Variants in ACSM3 observed in about 807,000 individuals in gnomAD.
ACSM3 encodes the protein acyl-CoA synthetase medium chain family member 3, also known as acyl-coenzyme A synthetase ACSM3, mitochondrial.
A neutral mutation model predicts 74.1 loss-of-function variants in ACSM3; 61 were observed. The observed-to-expected ratio is 0.82, with a 90% CI of 0.67 to 1.02. ACSM3 has a LOEUF of 1.02. ACSM3 is among the 50% of genes least tolerant of loss of function. The probability of loss-of-function intolerance (pLI) is 0.00; values close to 1 mark genes in which losing one functional copy is unlikely to be tolerated. For missense variants in ACSM3, 660 were observed against 697.0 expected (o/e 0.95, Z 0.60); for synonymous variants, 213 against 241.5 (o/e 0.88, Z 1.09).
At chr16:20,789,386 T>G (rs765312797) in intron 9 of ACSM3, 480 of 903,132 alleles carry the variant, frequency 5.3e-4, no homozygotes, top group Non-Finnish European at 8.0e-4. Flanking sequence ...TAGCATGTAT[T>G]AAGTACTTAA....
At chr16:20,760,150 C>T (rs1263855912), upstream of ACSM3, among the ~76,000 whole-genome samples, 1 of 152,132 alleles carries the variant, frequency 6.6e-6, no homozygotes, top group South Asian at 2.1e-4. Context: ...TAAAATGACT[C>T]TAGTACAGCA....
intron 1 of ACSM3, chr16:20,682,486 T>C: frequency 1.9e-6 from 3 of 1,599,000 alleles, no homozygotes; most frequent in Non-Finnish European, 1.7e-6. Flanking sequence ...AAGGAACTGA[T>C]TGTTTTGGTT....
Position 20,685,840 on chromosome 16 carries a change from AAAAAAAC to A in ACSM3, c.-190+11026_-190+11032del, listed in dbSNP as rs1567311063. Among the ~76,000 whole-genome samples the A allele has an allele frequency of 5.3e-4, 65 of 123,706 alleles. 4 individuals carry two copies. The highest frequency in any genetic ancestry group is 4.3e-3 in the Middle Eastern group (1 of 234). 81.2% of individuals were successfully genotyped at this position (123,706 alleles called of 152,430 possible). A position where few individuals can be genotyped will look rare whatever the true frequency, so the allele number is the denominator to read the frequency against. ...GTCTCAAAAAAAAAAAACAAACAAA[AAAAAAAC>A]AAAAAACTTATAGCATCAGGAGAGG... On this transcript the variant is annotated intron_variant, in intron 1 of 3. Transcript: ENST00000561584.
intron 1 of ACSM3, chr16:20,728,350 GA>G: frequency 2.5e-6 from 3 of 1,189,864 alleles, no homozygotes; most frequent in Non-Finnish European, 3.6e-6. Context: ...TTTGTGAAAA[GA>G]AAATTTTAAG....
At chr16:20,759,102 G>T (rs962673673), upstream of ACSM3, among the ~76,000 whole-genome samples, 1 of 152,142 alleles carries the variant, frequency 6.6e-6, no homozygotes, top group Admixed American at 6.6e-5. Flanking sequence ...GTTGCCAGGA[G>T]AACCAACCTT....
intron 1 of ACSM3, chr16:20,691,115 G>T (rs1041822271): frequency 3.7e-6 from 6 of 1,613,676 alleles, no homozygotes; most frequent in Admixed American, 1.7e-5. Context: ...GCGCAGCTGT[G>T]AAGGGGCAGG....
Position 20,770,193 on chromosome 16 carries a change from G to A in ACSM3, c.159G>A (p.Gly53=), listed in dbSNP as rs754487069. ...CCATGAAACAGGACTTCAAACTGGG[G>A]ATTCCAGAGTATTTCAACTTTGCTA... is the stretch of plus-strand genomic sequence containing the variant. The part of the protein sequence containing the change: ...YESMKQDFKL[G]IPEYFNFAKD... The change falls in exon 2 of 14, where the codon GGG becomes GGA. Residue 53 remains glycine, a synonymous_variant. Coordinates refer to ENST00000289416, the MANE Select transcript of ACSM3 (RefSeq NM_005622.4). The A allele has an allele frequency of 6.2e-7, 1 of 1,614,154 alleles. No homozygotes were observed. Among genetic ancestry groups the A allele is most frequent in the Middle Eastern group, 1.6e-4 (1 of 6,062 alleles).
At chr16:20,712,160 T>C (rs990685260) in intron 1 of ACSM3, among the ~76,000 whole-genome samples, 1 of 152,176 alleles carries the variant, frequency 6.6e-6, no homozygotes, top group African/African-American at 2.4e-5. Flanking sequence ...CACCTGGCCC[T>C]GTTTTTGTAA....
chr16:20,716,655 CACCCTCACCTGTTT>C (rs2079762738), intron 1 of ACSM3, among the ~76,000 whole-genome samples: 1 of 152,214 alleles, frequency 6.6e-6, no homozygotes, highest in Non-Finnish European at 1.5e-5. Flanking sequence ...CACATCCTCA[CACCCTCACCTGTTT>C]ACCCTCACGT....
rs2079824546 is a variant in ACSM3, at chr16:20,730,684, GAA to G, written c.-189-19225_-189-19224del. 2.0e-5 allele frequency among the ~76,000 whole-genome samples: 3 copies of G among 152,104 alleles called. No homozygotes were observed. In the South Asian group the frequency reaches 6.2e-4, roughly 32 times the overall value. ...CCTCTCAATATAAATGATTTCAGCT[GAA>G]GAGCAGAAGTAACCACCAATTAGAA... On this transcript the variant is annotated intron_variant, in intron 1 of 3. Transcript: ENST00000561584.
intron 1 of ACSM3, among the ~76,000 whole-genome samples, chr16:20,705,449 T>A (rs1040109032): frequency 2.0e-5 from 3 of 152,056 alleles, no homozygotes; most frequent in African/African-American, 7.2e-5. Flanking sequence ...AAGTCTACCT[T>A]TGAAGAAATA....
chr16:20,777,761 T>C (rs1252860591), intron 4 of ACSM3, among the ~76,000 whole-genome samples, 181 bp downstream of exon 4: 1 of 152,194 alleles, frequency 6.6e-6, no homozygotes, highest in East Asian at 1.9e-4. Context: ...GGAGTGCTTT[T>C]TGTAGGTTGG....
intron 1 of ACSM3, among the ~76,000 whole-genome samples, chr16:20,701,636 T>C (rs2079713139): frequency 6.6e-6 from 1 of 152,174 alleles, no homozygotes; most frequent in African/African-American, 2.4e-5. Flanking sequence ...CAATCCGTCA[T>C]CTAGGTTTTA....
Position 20,790,833 on chromosome 16 carries a change from A to G in ACSM3, c.1326+145A>G. On this transcript the variant is annotated intron_variant, in intron 10 of 13. Coordinates refer to ENST00000289416, the MANE Select transcript of ACSM3 (RefSeq NM_005622.4). This position sits in a 1 kb window ranked among gnomAD's most constrained non-coding sequence, Gnocchi z 4.0. ...GTCCTGAATAGTAATCCAAAAGACAAGAAATTGAAGAAATACCCAAATTCT... is the reference window on the plus strand; with the variant it reads ...GTCCTGAATAGTAATCCAAAAGACAGGAAATTGAAGAAATACCCAAATTCT... 1.9e-6 allele frequency: 3 copies of G among 1,614,040 alleles called. No homozygotes were observed. The highest frequency in any genetic ancestry group is 2.5e-6 in the Non-Finnish European group (3 of 1,179,950).
chr16:20,684,410 A>T (rs1173811209), intron 1 of ACSM3, among the ~76,000 whole-genome samples: 2 of 152,224 alleles, frequency 1.3e-5, no homozygotes, highest in Non-Finnish European at 2.9e-5. Flanking sequence ...ACCTTGCTTA[A>T]GTGATAAAAC....
intron 1 of ACSM3, among the ~76,000 whole-genome samples, chr16:20,744,984 T>C (rs1360649260): frequency 6.6e-6 from 1 of 152,224 alleles, no homozygotes. Context: ...GAGAAAAATA[T>C]GCAACCCTGT....
At chr16:20,678,414 C>T (rs200086145) in intron 1 of ACSM3, among the ~76,000 whole-genome samples, 6 of 152,164 alleles carry the variant, frequency 3.9e-5, no homozygotes, top group South Asian at 2.1e-4. Flanking sequence ...CAGAACAATC[C>T]ATGACAAGGG....
intron 4 of ACSM3, chr16:20,780,480 C>A: frequency 1.3e-6 from 1 of 753,506 alleles, no homozygotes; most frequent in Non-Finnish European, 2.1e-6. Context: ...GAATAAAAAG[C>A]TAGGAAAGCA....
Position 20,796,474 on chromosome 16 carries a change from C to T in ACSM3, c.1659C>T (p.Tyr553=). 1 of 1,612,886 alleles carries T rather than the reference C, an allele frequency of 6.2e-7. No homozygotes were observed. ...ATGTTAAAAAAACTACAGCACCTTA[C>T]AAATATCCCAGAAAGGTAGGCATCC... is the stretch of plus-strand genomic sequence containing the variant. ...QEHVKKTTAP[Y]KYPRKVEFIQ... Residue 553 remains tyrosine (Y), a synonymous_variant, in exon 13 of 14, where the codon TAC becomes TAT. Coordinates refer to ENST00000289416, the MANE Select transcript of ACSM3 (RefSeq NM_005622.4).
Sources: allele counts gnomAD v4.1 joint callset (sites outside exome capture counted in the v4.1 genomes callset), GRCh38; gene constraint gnomAD v4.1.1; non-coding constraint Gnocchi (gnomAD v3.1); transcripts MANE v1.5; gene names NCBI Gene and HGNC (gene_info 2026-07-23, HGNC 2026-07-21).